The following KIF26B variants were observed in gnomAD, a reference collection of about 807,000 sequenced individuals.
The protein encoded by KIF26B is kinesin family member 26B.
A neutral mutation model predicts 151.2 loss-of-function variants in KIF26B; 63 were observed. The observed-to-expected ratio is 0.42, with a 90% CI of 0.34 to 0.51. The LOEUF (loss-of-function observed/expected upper bound fraction) is 0.51. KIF26B is among the 20% of genes least tolerant of loss of function. The pLI, the probability that KIF26B is intolerant of heterozygous loss-of-function variation, is 0.07. For synonymous variants in KIF26B, 1,357 were observed against 1,262.1 expected, an observed-to-expected ratio of 1.08 and a Z score of -1.59; for missense variants, 2,813 against 2,913.6, an observed-to-expected ratio of 0.97 and a Z score of 0.79.
chr1:245,506,480 T>C (rs1051806223), intron 4 of KIF26B, among the ~76,000 whole-genome samples: 4 of 152,200 alleles, frequency 2.6e-5, no homozygotes, highest in African/African-American at 9.7e-5. Context: ...TAATCTGTAT[T>C]ATGATCTTGT....
chr1:245,182,308 A>T (rs1668921113), intron 2 of KIF26B, among the ~76,000 whole-genome samples: 3 of 152,224 alleles, frequency 2.0e-5, no homozygotes, highest in South Asian at 4.1e-4. Flanking sequence ...AGCATTTTAC[A>T]TGAACAAAGT....
chr1:245,163,778 C>T (rs1291408072), intron 2 of KIF26B, among the ~76,000 whole-genome samples: 1 of 152,120 alleles, frequency 6.6e-6, no homozygotes, highest in Non-Finnish European at 1.5e-5. Context: ...ATGGAGTCTT[C>T]ACTTTCATTA....
At chr1:245,449,241 T>A (rs951066692) in intron 4 of KIF26B, among the ~76,000 whole-genome samples, 1 of 152,216 alleles carries the variant, frequency 6.6e-6, no homozygotes, top group African/African-American at 2.4e-5. Context: ...CCTTGTCGTA[T>A]GGAAGTGATT....
intron 2 of KIF26B, among the ~76,000 whole-genome samples, chr1:245,179,992 C>T (rs370154457): frequency 6.6e-6 from 1 of 152,156 alleles, no homozygotes; most frequent in African/African-American, 2.4e-5. Context: ...GCCAGGGACC[C>T]CACCCCCTGC....
At chr1:245,353,244 CT>C (rs1374370363) in intron 2 of KIF26B, among the ~76,000 whole-genome samples, 3 of 152,164 alleles carry the variant, frequency 2.0e-5, no homozygotes, top group African/African-American at 4.8e-5. Context: ...TACTCACCCC[CT>C]CTCCCTCTTT....
intron 10 of KIF26B, among the ~76,000 whole-genome samples, chr1:245,675,261 G>T (rs1168407761): frequency 6.6e-6 from 1 of 152,152 alleles, no homozygotes. Context: ...TGTTACTGTG[G>T]TTTCATTACA....
intron 2 of KIF26B, among the ~76,000 whole-genome samples, chr1:245,275,725 A>G (rs1220610314): frequency 2.6e-5 from 4 of 152,106 alleles, no homozygotes; most frequent in African/African-American, 4.8e-5. Context: ...GTATTTGTCT[A>G]TATGTTTACC....
At chr1:245,305,899 T>C (rs1207208256) in intron 2 of KIF26B, among the ~76,000 whole-genome samples, 1 of 128,614 alleles carries the variant, frequency 7.8e-6, no homozygotes, top group Non-Finnish European at 1.5e-5. Flanking sequence ...ATCGCACCAC[T>C]GCACTCCAGC....
In KIF26B at chr1:245,337,518, A is replaced by ATG. The variant is rs74163041; in HGVS notation, c.466-29279_466-29278dup. 6.7e-3 allele frequency among the ~76,000 whole-genome samples: 969 copies of ATG among 145,532 alleles called. 2 individuals are homozygous for ATG. The highest frequency in any genetic ancestry group is 7.9e-3 in the Admixed American group (117 of 14,724). On this transcript the variant is annotated intron_variant, in intron 2 of 14. Coordinates refer to ENST00000407071, the MANE Select transcript of KIF26B (RefSeq NM_018012.4). ...CTGGTGACCTAGAAGTACTTAGGAA[A>ATG]TGTGTGTGTGTGTGTGTGTGTGTGT...
At chr1:245,619,096 A>G (rs960968261) in intron 9 of KIF26B, among the ~76,000 whole-genome samples, 1 of 141,880 alleles carries the variant, frequency 7.0e-6, no homozygotes, top group South Asian at 2.3e-4. Context: ...CTTGAGACAG[A>G]GTGCCACAGT....
intron 3 of KIF26B, among the ~76,000 whole-genome samples, chr1:245,412,795 T>C (rs2103032596): frequency 6.6e-6 from 1 of 152,300 alleles, no homozygotes; most frequent in South Asian, 2.1e-4. Context: ...GGAGAAGCTT[T>C]ATTTCGATGT....
intron 3 of KIF26B, among the ~76,000 whole-genome samples, chr1:245,393,671 G>T (rs1438584509): frequency 6.6e-6 from 1 of 152,178 alleles, no homozygotes; most frequent in Non-Finnish European, 1.5e-5. Context: ...GAGTTGTTGA[G>T]ATCTCCCAGG....
At chr1:245,610,854 G>T (rs2043513050) in intron 8 of KIF26B, among the ~76,000 whole-genome samples, 1 of 152,178 alleles carries the variant, frequency 6.6e-6, no homozygotes, top group Non-Finnish European at 1.5e-5. Flanking sequence ...ATGGCCTCAG[G>T]TTCTAAATAT....
At chr1:245,331,551 C>T (rs775812038) in intron 2 of KIF26B, among the ~76,000 whole-genome samples, 2 of 152,136 alleles carry the variant, frequency 1.3e-5, no homozygotes, top group African/African-American at 4.8e-5. Context: ...CACTTCGTCT[C>T]TAAGTGAGAT....
At chr1:245,492,621 A>G (rs1315419646) in intron 4 of KIF26B, among the ~76,000 whole-genome samples, 1 of 152,248 alleles carries the variant, frequency 6.6e-6, no homozygotes, top group African/African-American at 2.4e-5. Context: ...TCAATTTGTG[A>G]CCAAAGGACA....
At chr1:245,252,276 CA>C (rs5782329) in intron 2 of KIF26B, among the ~76,000 whole-genome samples, 84,453 of 113,752 alleles carry the variant, frequency 0.74, 29,239 homozygotes, top group South Asian at 0.82. Flanking sequence ...GACCTTGTCT[CA>C]AAAAAAAAAA....
At chr1:245,652,988 T>A (rs2044036520) in intron 10 of KIF26B, among the ~76,000 whole-genome samples, 1 of 152,226 alleles carries the variant, frequency 6.6e-6, no homozygotes, top group South Asian at 2.1e-4. Flanking sequence ...TGTCTGGGGT[T>A]ACTATTAAAG....
In KIF26B at chr1:245,686,534, G is replaced by A. The variant is rs775456987; in HGVS notation, c.3551G>A (p.Gly1184Asp). The change falls in exon 12 of 15, where the codon GGT (glycine) becomes GAT (aspartate). Residue 1184 changes from glycine (G) to aspartate (D), a missense_variant. Transcript: ENST00000407071. This position sits in a 1 kb window ranked among gnomAD's most constrained non-coding sequence, Gnocchi z 5.6. ...VTVQQPLELN[G>D]EDELVFTLVE... ...GTGCAGCAGCCACTGGAGCTGAACG[G>A]TGAGGACGAGCTGGTGTTCACGCTG... 6.2e-7 allele frequency: 1 copy of A among 1,613,124 alleles called. No individual in the cohort carries two copies. The highest frequency in any genetic ancestry group is 8.5e-7 in the Non-Finnish European group (1 of 1,179,798).
At position 245,286,671 on chromosome 1, in the gene KIF26B, G is replaced by T. The variant is rs542261247; in HGVS notation, c.466-80163G>T. On this transcript the variant is annotated intron_variant, in intron 2 of 14. Coordinates refer to ENST00000407071, the MANE Select transcript of KIF26B (RefSeq NM_018012.4). ...ACTTGTTCTATTTTCAAGACATCTA[G>T]ATCTTTTGTTATATTTACAAGAAAG... Among the ~76,000 whole-genome samples, 38 of 152,282 alleles carry T rather than the reference G, an allele frequency of 2.5e-4. No homozygotes were observed. In the South Asian group the frequency reaches 4.6e-3, roughly 18 times the overall value.
Sources: allele counts gnomAD v4.1 joint callset (sites outside exome capture counted in the v4.1 genomes callset), GRCh38; gene constraint gnomAD v4.1.1; non-coding constraint Gnocchi (gnomAD v3.1); transcripts MANE v1.5; gene names NCBI Gene and HGNC (gene_info 2026-07-23, HGNC 2026-07-21).